Variants in GMDS observed in about 807,000 individuals in gnomAD.
GMDS encodes GDP-mannose 4,6 dehydratase.
Under a neutral mutation model 49.9 loss-of-function variants are expected in GMDS, and 20 were observed. The observed-to-expected ratio is 0.40, with a 90% CI of 0.28 to 0.58. GMDS has a LOEUF of 0.58. GMDS is among the 20% of genes least tolerant of loss of function. The pLI is 0.42. For synonymous variants in GMDS, 177 were observed against 178.6 expected (o/e 0.99, Z 0.07); for missense variants, 362 against 481.4 (o/e 0.75, Z 2.32).
intron 7 of GMDS, among the ~76,000 whole-genome samples, chr6:1,827,492 T>C (rs1040165124): frequency 4.6e-5 from 7 of 151,570 alleles, no homozygotes; most frequent in African/African-American, 1.7e-4. Context: ...TTGGAAAACC[T>C]GTATATACAC....
intron 1 of GMDS, among the ~76,000 whole-genome samples, chr6:2,129,277 C>A (rs1425318413): frequency 6.6e-6 from 1 of 152,088 alleles, no homozygotes; most frequent in Non-Finnish European, 1.5e-5. Flanking sequence ...CCACACACAC[C>A]CCATCCCAAC....
chr6:1,720,301 G>A (rs975579883), intron 9 of GMDS, among the ~76,000 whole-genome samples: 3 of 152,050 alleles, frequency 2.0e-5, no homozygotes, highest in Non-Finnish European at 2.9e-5. Context: ...ATTTGTATGC[G>A]ATCCTATGAA....
intron 7 of GMDS, among the ~76,000 whole-genome samples, chr6:1,819,774 A>ATATATATAT (rs1554123170): frequency 6.7e-4 from 83 of 123,772 alleles, no homozygotes; most frequent in African/African-American, 2.3e-3. Context: ...AAAAAAAAAA[A>ATATATATAT]AAATATATAT....
At chr6:1,834,176 A>G (rs1472848691) in intron 7 of GMDS, among the ~76,000 whole-genome samples, 1 of 152,260 alleles carries the variant, frequency 6.6e-6, no homozygotes, top group East Asian at 1.9e-4. Context: ...TTCATCAATT[A>G]TCAAGAAAAT....
intron 4 of GMDS, among the ~76,000 whole-genome samples, chr6:2,076,353 C>A (rs1461165909): frequency 6.6e-6 from 1 of 152,088 alleles, no homozygotes; most frequent in Non-Finnish European, 1.5e-5. Context: ...TTTATAGATT[C>A]AATGCCATCC....
intron 1 of GMDS, among the ~76,000 whole-genome samples, chr6:2,127,353 T>C (rs553759386): frequency 5.9e-5 from 9 of 152,136 alleles, no homozygotes; most frequent in Non-Finnish European, 1.0e-4. Flanking sequence ...CTAATCATTC[T>C]CTTGGAATAA....
chr6:2,119,505 C>T (rs1014455744), intron 2 of GMDS, among the ~76,000 whole-genome samples: 6 of 152,070 alleles, frequency 3.9e-5, no homozygotes, highest in African/African-American at 1.2e-4. Flanking sequence ...ATTCTAAGAA[C>T]TAATGAAAGC....
intron 9 of GMDS, among the ~76,000 whole-genome samples, chr6:1,662,312 C>T (rs1423413702): frequency 6.6e-6 from 1 of 152,118 alleles, no homozygotes; most frequent in Non-Finnish European, 1.5e-5. Context: ...TGATCCCACA[C>T]CACCACAGAC....
intron 1 of GMDS, among the ~76,000 whole-genome samples, chr6:2,193,363 G>A (rs1004408799): frequency 3.9e-5 from 6 of 152,186 alleles, no homozygotes; most frequent in Non-Finnish European, 8.8e-5. Flanking sequence ...AAGAAACAAT[G>A]ACACCAACAG....
chr6:2,196,563 A>G (rs1002234569), intron 1 of GMDS, among the ~76,000 whole-genome samples: 6 of 152,314 alleles, frequency 3.9e-5, no homozygotes, highest in African/African-American at 1.4e-4. Flanking sequence ...AACAAATTCA[A>G]ATAAACTGCA....
At chr6:1,999,955 T>C in intron 4 of GMDS, among the ~76,000 whole-genome samples, 2 of 16,530 alleles carry the variant, frequency 1.2e-4, no homozygotes, top group East Asian at 1.8e-3. Flanking sequence ...ATATAATATG[T>C]ATATTATATA....
intron 7 of GMDS, among the ~76,000 whole-genome samples, chr6:1,878,509 T>G (rs1479596818): frequency 6.6e-6 from 1 of 151,936 alleles, no homozygotes; most frequent in Non-Finnish European, 1.5e-5. Context: ...GACACAGACA[T>G]GTGACATCAC....
At chr6:1,703,907 T>C (rs1484865649) in intron 9 of GMDS, among the ~76,000 whole-genome samples, 2 of 152,254 alleles carry the variant, frequency 1.3e-5, no homozygotes, top group Non-Finnish European at 2.9e-5. Flanking sequence ...TTTCCTTTTC[T>C]TTCACCTTCG....
chr6:1,638,423 C>T (rs2113173805), intron 9 of GMDS, among the ~76,000 whole-genome samples: 1 of 152,282 alleles, frequency 6.6e-6, no homozygotes, highest in South Asian at 2.1e-4. Flanking sequence ...CGAGTGCCAG[C>T]AGGATGGCCA....
At chr6:2,190,130 C>T (rs1247208826) in intron 1 of GMDS, among the ~76,000 whole-genome samples, 1 of 152,072 alleles carries the variant, frequency 6.6e-6, no homozygotes, top group Non-Finnish European at 1.5e-5. Flanking sequence ...GTACAAAATG[C>T]TTTTATTTTA....
chr6:1,652,518 AT>A (rs71653192), intron 9 of GMDS, among the ~76,000 whole-genome samples: 768 of 5,472 alleles, frequency 0.14, 163 homozygotes, highest in African/African-American at 0.21. Flanking sequence ...TATTATATAT[AT>A]TTATATATAA....
rs1288904753 is a variant in GMDS at position 1,833,166 on chromosome 6, AG to A, written c.772-90581del. On this transcript the variant is annotated intron_variant, in intron 7 of 10. Coordinates refer to ENST00000380815, the MANE Select transcript of GMDS (RefSeq NM_001500.4). The surrounding 1 kb of genome is among the most constrained non-coding windows in gnomAD (Gnocchi z 4.4). ...TTTTTTTTTAAACTAATGCACTGGA[AG>A]GGGGCAAAGGGTGGCATGGACCCTC... 2.1e-5 allele frequency among the ~76,000 whole-genome samples: 3 copies of A among 143,028 alleles called. No individual in the cohort carries two copies. The highest frequency in any genetic ancestry group is 7.2e-5 in the Admixed American group (1 of 13,800). 93.8% of individuals were successfully genotyped at this position (143,028 alleles called of 152,430 possible).
chr6:2,223,403 G>A (rs1780681749), intron 1 of GMDS, among the ~76,000 whole-genome samples: 1 of 151,850 alleles, frequency 6.6e-6, no homozygotes, highest in Non-Finnish European at 1.5e-5. Flanking sequence ...AGTTTAAGCT[G>A]AGGAGCGACC....
rs118076695 is a variant in GMDS at position 1,853,674 on chromosome 6, T to C, written c.771+76429A>G. ...GGCTGTTAGTAGCCACAGAGCCTAA[T>C]GAAAATTTCATAAGTTATCCAACAG... is the stretch of plus-strand genomic sequence containing the variant. On this transcript the variant is annotated intron_variant, in intron 7 of 10. Coordinates refer to ENST00000380815, the MANE Select transcript of GMDS (RefSeq NM_001500.4). Among the ~76,000 whole-genome samples, 134 of 152,292 alleles carry C rather than the reference T, an allele frequency of 8.8e-4. 1 individual carries two copies. The East Asian group carries it at 0.011, about 13-fold the overall frequency.
Sources: gnomAD v4.1 joint callset for allele counts (sites outside exome capture counted in the v4.1 genomes callset) on GRCh38, gnomAD v4.1.1 for gene constraint, Gnocchi (gnomAD v3.1) non-coding constraint, MANE v1.5 for transcripts, NCBI Gene and HGNC (gene_info 2026-07-23, HGNC 2026-07-21) for gene names.